EVPL: variants seen among roughly 807,000 people sequenced by gnomAD.
EVPL encodes the protein envoplakin.
In EVPL, 94 loss-of-function variants were observed where a neutral mutation model predicts 129.7. The observed-to-expected ratio is 0.72, with a 90% CI of 0.61 to 0.86. EVPL has a LOEUF of 0.86. Among genes scored for constraint, EVPL ranks in the 40% least tolerant of loss-of-function variants. The pLI is 0.00. For synonymous variants in EVPL, 1,172 were observed against 1,191.1 expected (o/e 0.98, Z 0.33); for missense variants, 2,625 against 2,721.1 (o/e 0.96, Z 0.79).
chr17:76,023,999 C>A, intron 2 of EVPL, 22 bp downstream of exon 2: 1 of 1,605,096 alleles, frequency 6.2e-7, no homozygotes, highest in Non-Finnish European at 8.5e-7. Context: ...CCACGCCCTG[C>A]CAACTGCTGC....
chr17:76,019,165 A>AG, intron 10 of EVPL, 105 bp from the exon 11 acceptor site: 2 of 1,248,518 alleles, frequency 1.6e-6, no homozygotes, highest in South Asian at 3.5e-5. Context: ...TCATGAAGGC[A>AG]GGGGTCTCTA....
Position 76,022,373 on chromosome 17 carries a change from G to C in EVPL, c.606+40C>G. 1 of 1,612,240 alleles carries C rather than the reference G, an allele frequency of 6.2e-7. No individual in the cohort carries two copies. The highest frequency in any genetic ancestry group is 8.5e-7 in the Non-Finnish European group (1 of 1,179,414). On this transcript the variant is annotated intron_variant, in intron 5 of 21. Coordinates refer to ENST00000301607, the MANE Select transcript of EVPL (RefSeq NM_001988.4). The surrounding 1 kb of genome is among the most constrained non-coding windows in gnomAD (Gnocchi z 5.6). ...CCGGCTCTGACTGGAGAAACGGGCT[G>C]GGGCTGGCCCCGGATGTGACATCCT...
rs776124869 is a variant in EVPL, at chr17:76,021,767, G to C, written c.822C>G (p.His274Gln). The change falls in exon 8 of 22, where the codon CAC (histidine) becomes CAG (glutamine). Residue 274 changes from histidine to glutamine, a missense_variant. Physicochemically the swap from His to Gln is conservative, Grantham distance 24. Coordinates refer to ENST00000301607, the MANE Select transcript of EVPL (RefSeq NM_001988.4). The part of the protein sequence containing the change: ...VRREYEHFKQ[H>Q]ELLSQEQSVN... ...CGCTCTGCTCCTGGCTCAGCAGCTC[G>C]TGCTGCTTGAAGTGCTGGGGGCGAG... is the stretch of plus-strand genomic sequence containing the variant. 10 of 1,607,322 alleles carry C rather than the reference G, an allele frequency of 6.2e-6. No homozygotes were observed. The highest frequency in any genetic ancestry group is 1.1e-5 in the South Asian group (1 of 90,434).
chr17:76,017,690 G>A (rs748665922), intron 14 of EVPL, 49 bp downstream of exon 14: 1 of 1,586,220 alleles, frequency 6.3e-7, no homozygotes, highest in East Asian at 2.2e-5. Flanking sequence ...GTGAGCACCA[G>A]GGCCGGGCCG....
In EVPL at chr17:76,015,317, C is replaced by G; in HGVS notation, c.1938G>C (p.Arg646Ser). ...GGGTGGCCTCGAAGCCTCGGATGAC[C>G]CTGTCCGCATCCTGGATCTGCCGCT... ...DLERQIQDAD[R>S]VIRGFEATLV... The change falls in exon 16 of 22, where the codon AGG becomes AGC. Residue 646 changes from arginine (R) to serine (S), a missense_variant. By Grantham distance (110) the Arg-to-Ser change is moderately radical. Around this residue, in one of 4 missense-constraint regions of EVPL, gnomAD observed 1,024 missense variants for 997.5 expected, o/e 1.03. Transcript: ENST00000301607. 6.2e-7 allele frequency: 1 copy of G among 1,603,552 alleles called. No homozygotes were observed. Among genetic ancestry groups the G allele is most frequent in the Non-Finnish European group, 8.5e-7 (1 of 1,179,086 alleles).
At position 76,007,099 on chromosome 17, in the gene EVPL, C is replaced by A. The variant is rs372181225; in HGVS notation, c.*4G>T. ...GCACTTCCCCACTGGCTCCTTGGCC[C>A]GTGTCAGCGAAGGGAGCGCGGGACG... is the stretch of plus-strand genomic sequence containing the variant. On this transcript the variant is annotated 3_prime_UTR_variant, in exon 22 of 22. Transcript: ENST00000301607. The surrounding 1 kb of genome is among the most constrained non-coding windows in gnomAD (Gnocchi z 8.8). 1 of 1,455,104 alleles carries A rather than the reference C, an allele frequency of 6.9e-7. No homozygotes were observed. Among genetic ancestry groups the A allele is most frequent in the South Asian group, 1.6e-5 (1 of 62,824 alleles). 90.1% of individuals were successfully genotyped at this position (1,455,104 alleles called of 1,614,324 possible).
rs757957132 is a variant in EVPL, at chr17:76,008,175, G to A, written c.5030C>T (p.Thr1677Met). ...SREELSQETQ[T>M]RETNLSTKIS... ...CTTGGTGGAAAGGTTGGTCTCTCGCGTCTGGGTCTCCTGGCTGAGCTCCTC... is the reference window on the plus strand; with the variant it reads ...CTTGGTGGAAAGGTTGGTCTCTCGCATCTGGGTCTCCTGGCTGAGCTCCTC... Residue 1677 changes from threonine to methionine, a missense_variant, in exon 22 of 22, where the codon ACG (threonine) becomes ATG (methionine). Physicochemically the swap from Thr to Met is moderately conservative, Grantham distance 81. Transcript: ENST00000301607. This position sits in a 1 kb window ranked among gnomAD's most constrained non-coding sequence, Gnocchi z 7.4. 6.8e-6 allele frequency: 11 copies of A among 1,614,054 alleles called. No homozygotes were observed. The highest frequency in any genetic ancestry group is 7.6e-6 in the Non-Finnish European group (9 of 1,180,042).
intron 16 of EVPL, 51 bp from the exon 17 acceptor site, chr17:76,015,160 G>A (rs1321674626): frequency 6.4e-7 from 1 of 1,558,066 alleles, no homozygotes; most frequent in Non-Finnish European, 8.7e-7. Context: ...GGGAGACGCC[G>A]TGTCCACCCA....
chr17:76,024,986 G>C lies in EVPL; in HGVS notation c.99-866C>G, dbSNP rs572010992. ...GCTGGGGCAGGAGAAGCCTTGAACT[G>C]GGTCAAAGGATGGGCCCCCCCAGGC... On this transcript the variant is annotated intron_variant, in intron 1 of 21. Transcript: ENST00000301607. The surrounding 1 kb of genome is among the most constrained non-coding windows in gnomAD (Gnocchi z 4.5). Among the ~76,000 whole-genome samples the C allele has an allele frequency of 2.0e-5, 3 of 152,206 alleles. No individual in the cohort carries two copies. Among genetic ancestry groups the C allele is most frequent in the African/African-American group, 7.2e-5 (3 of 41,442 alleles).
rs147564159 is a variant in EVPL at position 76,019,747 on chromosome 17, GCAGCTAAACCTAAAC to G, written c.1012-109_1012-95del. On this transcript the variant is annotated intron_variant, in intron 9 of 21. Coordinates refer to ENST00000301607, the MANE Select transcript of EVPL (RefSeq NM_001988.4). ...TGAACCTAAGCCAGCTAAACACAAA[GCAGCTAAACCTAAAC>G]CAGCTAAACACAAACCAGCTAAACA... The G allele has an allele frequency of 1.9e-3, 2,807 of 1,469,164 alleles. 40 individuals are homozygous for G. The African/African-American group carries it at 0.03, about 16-fold the overall frequency. 91.0% of individuals were successfully genotyped at this position (1,469,164 alleles called of 1,614,324 possible).
In EVPL at chr17:76,021,896, C is replaced by T. The variant is rs533467854; in HGVS notation, c.778G>A (p.Asp260Asn). 76 of 1,561,324 alleles carry T rather than the reference C, an allele frequency of 4.9e-5. 1 individual carries two copies. In the South Asian group the frequency reaches 5.2e-4, roughly 11 times the overall value. Residue 260 changes from aspartate (D) to asparagine (N), a missense_variant, in exon 7 of 22, where the codon GAC (aspartate) becomes AAC (asparagine). Physicochemically the swap from Asp to Asn is conservative, Grantham distance 23. This residue lies in a region of EVPL where 1,024 missense variants were observed against 997.5 expected (regional missense o/e 1.03). Transcript: ENST00000301607. ...TACTCCCGCCGCACGCCCGCAGGGTCGGCCATGAGGTCGCTCCAGTCCTGC... is the reference window on the plus strand; with the variant it reads ...TACTCCCGCCGCACGCCCGCAGGGTTGGCCATGAGGTCGCTCCAGTCCTGC... ...LQQDWSDLMA[D>N]PAGVRREYEH... is the part of the protein sequence containing the mutation.
chr17:76,021,446 T>C, intron 9 of EVPL, 22 bp downstream of exon 9: 1 of 1,434,276 alleles, frequency 7.0e-7, no homozygotes, highest in Non-Finnish European at 9.3e-7. Context: ...CTGCCGCCCC[T>C]GCCGCCTGCC....
rs1468926649 is a variant in EVPL at position 76,024,125 on chromosome 17, T to C, written c.99-5A>G. ...GCCAGCTCCTGGGTGGCAGCCCTAGTGTGTGGAGGGGACAGCGGGTAGCTC... is the reference window on the plus strand; with the variant it reads ...GCCAGCTCCTGGGTGGCAGCCCTAGCGTGTGGAGGGGACAGCGGGTAGCTC... On this transcript the variant is annotated splice_region_variant and splice_polypyrimidine_tract_variant and intron_variant, in intron 1 of 21. Transcript: ENST00000301607. The surrounding 1 kb of genome is among the most constrained non-coding windows in gnomAD (Gnocchi z 4.5). 2 of 1,613,094 alleles carry C rather than the reference T, an allele frequency of 1.2e-6. No individual in the cohort carries two copies. Among genetic ancestry groups the C allele is most frequent in the Non-Finnish European group, 1.7e-6 (2 of 1,179,660 alleles).
chr17:76,021,796 G>T lies in EVPL; in HGVS notation c.808-15C>A, dbSNP rs1211562412. The stretch of plus-strand genomic sequence containing the variant: ...TGCTTGAAGTGCTGGGGGCGAGTCG[G>T]GTGGGGAGCGGCGGTGAGGACCCGG... On this transcript the variant is annotated splice_polypyrimidine_tract_variant and intron_variant, in intron 7 of 21. Coordinates refer to ENST00000301607, the MANE Select transcript of EVPL (RefSeq NM_001988.4). 8 of 1,582,892 alleles carry T rather than the reference G, an allele frequency of 5.1e-6. No homozygotes were observed. Among genetic ancestry groups the T allele is most frequent in the Non-Finnish European group, 6.8e-6 (8 of 1,168,874 alleles).
chr17:76,009,350 C>T lies in EVPL; in HGVS notation c.3855G>A (p.Gly1285=). The part of the protein sequence containing the change: ...AQLNELVNSH[G]RSQEQLIRLQ... ...GGCGGATGAGCTGCTCCTGGGAGCG[C>T]CCGTGGCTGTTGACGAGCTCGTTGA... Residue 1285 remains glycine (G), a synonymous_variant, in exon 22 of 22, where the codon GGG becomes GGA. Transcript: ENST00000301607. This position sits in a 1 kb window ranked among gnomAD's most constrained non-coding sequence, Gnocchi z 5.9. 1.2e-6 allele frequency: 2 copies of T among 1,613,194 alleles called. No homozygotes were observed. Among genetic ancestry groups the T allele is most frequent in the Admixed American group, 1.7e-5 (1 of 60,026 alleles).
In EVPL at chr17:76,011,685, G is replaced by T. The variant is rs2066377693; in HGVS notation, c.2569-17C>A. 6.2e-7 allele frequency: 1 copy of T among 1,613,444 alleles called. No individual in the cohort carries two copies. Among genetic ancestry groups the T allele is most frequent in the Admixed American group, 1.7e-5 (1 of 60,000 alleles). On this transcript the variant is annotated splice_polypyrimidine_tract_variant and intron_variant, in intron 20 of 21. Coordinates refer to ENST00000301607, the MANE Select transcript of EVPL (RefSeq NM_001988.4). ...GTTCTTCTCCTGGAGAAGGCAGAGG[G>T]AGAGGGGAAGGGCAGAGTCAGCTCC...
rs758580145 is a variant in EVPL, at chr17:76,015,589, C to T, written c.1750G>A (p.Glu584Lys). 6 of 1,613,452 alleles carry T rather than the reference C, an allele frequency of 3.7e-6. No individual in the cohort carries two copies. The African/African-American group carries it at 6.7e-5, about 18-fold the overall frequency. The change falls in exon 15 of 22, where the codon GAG becomes AAG. Residue 584 changes from glutamate to lysine, a missense_variant. By Grantham distance (56) the Glu-to-Lys change is moderately conservative. Around this residue, in one of 4 missense-constraint regions of EVPL, gnomAD observed 1,024 missense variants for 997.5 expected, o/e 1.03. Coordinates refer to ENST00000301607, the MANE Select transcript of EVPL (RefSeq NM_001988.4). ...GCCTCGCACTCCTTCTGGGCTGTCTCCTTCTCCGTTCCCAGGCTCTGCAGG... is the reference window on the plus strand; with the variant it reads ...GCCTCGCACTCCTTCTGGGCTGTCTTCTTCTCCGTTCCCAGGCTCTGCAGG... The part of the protein sequence containing the change: ...QRLQSLGTEK[E>K]TAQKECEAFL...
chr17:76,022,114 C>T lies in EVPL; in HGVS notation c.645+75G>A, dbSNP rs2066465100. 4 of 1,593,546 alleles carry T rather than the reference C, an allele frequency of 2.5e-6. No individual in the cohort carries two copies. The highest frequency in any genetic ancestry group is 3.4e-6 in the Non-Finnish European group (4 of 1,172,128). On this transcript the variant is annotated intron_variant, in intron 6 of 21. Coordinates refer to ENST00000301607, the MANE Select transcript of EVPL (RefSeq NM_001988.4). This position sits in a 1 kb window ranked among gnomAD's most constrained non-coding sequence, Gnocchi z 5.6. ...CGCCATTGGGCCGCGCTCAGGAACA[C>T]TGGCCCCGGGCAGGGTCCGGGCGGC...
intron 9 of EVPL, among the ~76,000 whole-genome samples, chr17:76,021,063 A>T (rs2066453572): frequency 1.3e-5 from 2 of 151,784 alleles, no homozygotes; most frequent in Non-Finnish European, 2.9e-5. Context: ...GCTCTATTTT[A>T]TTTTATTTTT....
Sources: allele counts gnomAD v4.1 joint callset (sites outside exome capture counted in the v4.1 genomes callset), GRCh38; gene constraint gnomAD v4.1.1; regional missense constraint gnomAD v4.1.1; non-coding constraint Gnocchi (gnomAD v3.1); transcripts MANE v1.5; gene names NCBI Gene and HGNC (gene_info 2026-07-23, HGNC 2026-07-21).